The following MAP4K5 variants were observed in gnomAD, a reference collection of about 807,000 sequenced individuals.
The protein encoded by MAP4K5 is mitogen-activated protein kinase kinase kinase kinase 5.
MAP4K5 carries 82 observed loss-of-function variants against 135.6 expected under a neutral mutation model. The ratio of observed to expected loss-of-function variants is 0.60; its 90% CI spans 0.51 to 0.73. The LOEUF (loss-of-function observed/expected upper bound fraction) is 0.73. Among genes scored for constraint, MAP4K5 ranks in the 30% least tolerant of loss-of-function variants. The pLI is 0.00. For missense variants in MAP4K5, 907 were observed against 1,010.9 expected, an observed-to-expected ratio of 0.90 and a Z score of 1.39; for synonymous variants, 347 against 335.0, an observed-to-expected ratio of 1.04 and a Z score of -0.39.
chr14:50,474,356 C>T (rs1281897094), intron 9 of MAP4K5, among the ~76,000 whole-genome samples: 1 of 151,504 alleles, frequency 6.6e-6, no homozygotes, highest in Admixed American at 6.6e-5. Context: ...TGCCACCGCA[C>T]TCCAGCCACG....
At chr14:50,483,110 A>C (rs1231610736) in intron 5 of MAP4K5, 2 of 152,220 alleles carry the variant, frequency 1.3e-5, no homozygotes, top group African/African-American at 4.8e-5. Context: ...GAGAATCATA[A>C]AGAGATTGAC....
chr14:50,494,108 A>T (rs1457770582), intron 3 of MAP4K5, among the ~76,000 whole-genome samples: 1 of 152,076 alleles, frequency 6.6e-6, no homozygotes. Context: ...AGATGACACA[A>T]ATAAGTGGAA....
chr14:50,509,559 A>G (rs911522569), intron 2 of MAP4K5, among the ~76,000 whole-genome samples: 4 of 152,190 alleles, frequency 2.6e-5, no homozygotes, highest in Non-Finnish European at 5.9e-5. Flanking sequence ...AAATAATCTT[A>G]GAGTTGAATT....
chr14:50,543,454 C>T (rs2038591419), intron 1 of MAP4K5, among the ~76,000 whole-genome samples: 1 of 152,208 alleles, frequency 6.6e-6, no homozygotes, highest in Non-Finnish European at 1.5e-5. Context: ...TGCCACAATT[C>T]ATGGGCTTAT....
chr14:50,477,248 GT>G (rs779317952), intron 6 of MAP4K5, among the ~76,000 whole-genome samples: 14 of 152,058 alleles, frequency 9.2e-5, no homozygotes, highest in Non-Finnish European at 1.6e-4. Context: ...GTTATTATAT[GT>G]TGTATTATTT....
At position 50,445,089 on chromosome 14, in the gene MAP4K5, T is replaced by C. The variant is rs2036313814; in HGVS notation, c.1291A>G (p.Arg431Gly). 6.2e-7 allele frequency: 1 copy of C among 1,613,608 alleles called. No homozygotes were observed. Among genetic ancestry groups the C allele is most frequent in the Non-Finnish European group, 8.5e-7 (1 of 1,179,738 alleles). The change falls in exon 18 of 33, where the codon AGA becomes GGA. Residue 431 changes from arginine to glycine, a missense_variant. Transcript: ENST00000682126. ...GGCCCACAACTTGGGCTACTCTGTC[T>C]TCTGAGAATTTGGGGAGCTCTGCTT... ...SESRAPQILRRQSSPSCGPVA... is the reference protein window; with the variant it reads ...SESRAPQILRGQSSPSCGPVA...
Position 50,509,147 on chromosome 14 carries a change from C to A in MAP4K5, c.109-4290G>T, listed in dbSNP as rs796321940. ...TATCACAAGGACAGAAAACCAAACA[C>A]CACATATTCTCACTCATAGGTGGGA... is the stretch of plus-strand genomic sequence containing the variant. On this transcript the variant is annotated intron_variant, in intron 2 of 32. Transcript: ENST00000682126. Among the ~76,000 whole-genome samples the A allele has an allele frequency of 9.2e-5, 14 of 151,874 alleles. 1 individual carries two copies. Among genetic ancestry groups the A allele is most frequent in the African/African-American group, 3.1e-4 (13 of 41,388 alleles).
intron 26 of MAP4K5, 54 bp downstream of exon 26, chr14:50,437,422 T>C: frequency 1.5e-6 from 2 of 1,338,986 alleles, no homozygotes; most frequent in Non-Finnish European, 2.1e-6. Flanking sequence ...TTCAGATAAT[T>C]ATAAAGATGT....
chr14:50,524,462 A>C (rs972278251), intron 2 of MAP4K5, among the ~76,000 whole-genome samples: 4 of 152,234 alleles, frequency 2.6e-5, no homozygotes, highest in Non-Finnish European at 4.4e-5. Flanking sequence ...AGTAAACATA[A>C]GATCTCTGTT....
intron 1 of MAP4K5, among the ~76,000 whole-genome samples, chr14:50,551,367 G>A (rs2038700261): frequency 6.6e-6 from 1 of 151,944 alleles, no homozygotes; most frequent in African/African-American, 2.4e-5. Context: ...CAAGCAGTGA[G>A]ATTGAATCGA....
At position 50,490,134 on chromosome 14, in the gene MAP4K5, T is replaced by A. The variant is rs1225931039; in HGVS notation, c.167-3940A>T. Among the ~76,000 whole-genome samples, 17 of 133,242 alleles carry A rather than the reference T, an allele frequency of 1.3e-4. No homozygotes were observed. In the South Asian group the frequency reaches 2.7e-3, roughly 21 times the overall value. The allele number at this position is 133,242 out of a possible 152,430, so 87.4% of individuals were successfully genotyped here. A position where few individuals can be genotyped will look rare whatever the true frequency, so the allele number is the denominator to read the frequency against. ...GAGAGACAGAGAGCGAGTGAGAGTG[T>A]GTGTGTGTGTGTGTGTGTGTGTGTG... On this transcript the variant is annotated intron_variant, in intron 3 of 32. Transcript: ENST00000682126.
At chr14:50,466,929 G>C (rs755279802) in intron 10 of MAP4K5, among the ~76,000 whole-genome samples, 12 of 152,030 alleles carry the variant, frequency 7.9e-5, no homozygotes, top group Non-Finnish European at 1.3e-4. Context: ...TATGTAACTA[G>C]TATTATATCT....
chr14:50,528,620 G>A (rs1176680011), intron 2 of MAP4K5, among the ~76,000 whole-genome samples: 1 of 151,982 alleles, frequency 6.6e-6, no homozygotes, highest in Admixed American at 6.6e-5. Context: ...CTACTGAGGA[G>A]GCTGAGGAGA....
At chr14:50,517,533 C>T (rs2038058957) in intron 2 of MAP4K5, among the ~76,000 whole-genome samples, 2 of 151,588 alleles carry the variant, frequency 1.3e-5, no homozygotes, top group South Asian at 2.1e-4. Context: ...TTTGGGAGGC[C>T]GAGGTGGGTG....
intron 18 of MAP4K5, among the ~76,000 whole-genome samples, chr14:50,444,736 C>T (rs2036304436): frequency 2.0e-5 from 3 of 152,046 alleles, no homozygotes; most frequent in Admixed American, 2.0e-4. Flanking sequence ...GTGGGTATAC[C>T]TTCTGCTGTA....
intron 3 of MAP4K5, among the ~76,000 whole-genome samples, chr14:50,492,993 C>G (rs1366614810): frequency 6.7e-6 from 1 of 150,242 alleles, no homozygotes; most frequent in African/African-American, 2.5e-5. Context: ...ATGACTGCAC[C>G]ACTGCCCTCC....
chr14:50,463,289 T>TAC (rs1363745023), intron 12 of MAP4K5, among the ~76,000 whole-genome samples: 1 of 152,228 alleles, frequency 6.6e-6, no homozygotes, highest in South Asian at 2.1e-4. Context: ...AAGTGTTTTA[T>TAC]ACACACACAT....
intron 1 of MAP4K5, among the ~76,000 whole-genome samples, chr14:50,558,290 TG>T (rs1413316685): frequency 6.6e-6 from 1 of 152,070 alleles, no homozygotes; most frequent in Non-Finnish European, 1.5e-5. Context: ...ACCTGGGAGG[TG>T]GAGGTTGTAG....
intron 28 of MAP4K5, among the ~76,000 whole-genome samples, chr14:50,430,993 G>A (rs940385751): frequency 6.6e-6 from 1 of 152,172 alleles, no homozygotes; most frequent in Non-Finnish European, 1.5e-5. Flanking sequence ...GTCAGAGCCT[G>A]CTTCCCCCAT....
Sources: allele counts gnomAD v4.1 joint callset (sites outside exome capture counted in the v4.1 genomes callset), GRCh38; gene constraint gnomAD v4.1.1; transcripts MANE v1.5; gene names NCBI Gene and HGNC (gene_info 2026-07-23, HGNC 2026-07-21).